UNC13B: variants seen among roughly 807,000 people sequenced by gnomAD.
UNC13B encodes protein unc-13 homolog B.
UNC13B carries 144 observed loss-of-function variants against 211.0 expected under a neutral mutation model. The observed-to-expected ratio is 0.68, with a 90% CI of 0.60 to 0.78. The LOEUF (loss-of-function observed/expected upper bound fraction) is 0.78. Among genes scored for constraint, UNC13B ranks in the 30% least tolerant of loss-of-function variants. The probability of loss-of-function intolerance (pLI) is 0.00; values close to 1 mark genes in which losing one functional copy is unlikely to be tolerated. For synonymous variants in UNC13B, 709 were observed against 725.8 expected, an observed-to-expected ratio of 0.98 and a Z score of 0.37; for missense variants, 1,777 against 2,002.0, an observed-to-expected ratio of 0.89 and a Z score of 2.14.
intron 37 of UNC13B, 55 bp downstream of exon 37, chr9:35,400,498 C>G: frequency 6.4e-7 from 1 of 1,559,572 alleles, no homozygotes; most frequent in Non-Finnish European, 8.7e-7. Context: ...CACATCTTCC[C>G]CTAGGGAGTC....
chr9:35,349,791 C>T (rs1047037734), intron 11 of UNC13B, among the ~76,000 whole-genome samples: 5 of 152,226 alleles, frequency 3.3e-5, no homozygotes, highest in African/African-American at 1.2e-4. Context: ...TCTGGTTCCT[C>T]CTAGTCTGGG....
chr9:35,308,761 A>G (rs1290036091), intron 9 of UNC13B, among the ~76,000 whole-genome samples: 2 of 152,208 alleles, frequency 1.3e-5, no homozygotes, highest in East Asian at 1.9e-4. Flanking sequence ...GGTGGTATAT[A>G]TTAACTACAA....
intron 11 of UNC13B, among the ~76,000 whole-genome samples, chr9:35,350,629 T>A (rs756459076): frequency 1.1e-4 from 17 of 152,218 alleles, no homozygotes; most frequent in Non-Finnish European, 2.2e-4. Context: ...TCTACCTGCC[T>A]CTCTCATGCT....
In UNC13B at chr9:35,359,853, A is replaced by G. The variant is rs1362786657; in HGVS notation, c.9415-7094A>G. Among the ~76,000 whole-genome samples, 3 of 152,278 alleles carry G rather than the reference A, an allele frequency of 2.0e-5. 1 individual carries two copies. Among genetic ancestry groups the G allele is most frequent in the Non-Finnish European group, 1.5e-5 (1 of 68,026 alleles). On this transcript the variant is annotated intron_variant, in intron 11 of 39. Transcript: ENST00000635942. ...TGCTTCTAGAACCTTGTCCCTCTAC[A>G]GTCTGTTCTCCTCACAACAATCAGA...
intron 2 of UNC13B, among the ~76,000 whole-genome samples, chr9:35,229,561 C>CT (rs1825079799): frequency 6.6e-6 from 1 of 152,068 alleles, no homozygotes; most frequent in Non-Finnish European, 1.5e-5. Flanking sequence ...TTTGTTTCAG[C>CT]TTTTGGCCAG....
chr9:35,352,514 A>G (rs1832779150), intron 11 of UNC13B: 1 of 1,232,028 alleles, frequency 8.1e-7, no homozygotes, highest in African/African-American at 1.6e-5. Context: ...TCAGGATTAT[A>G]GTCAGACTTC....
At position 35,304,297 on chromosome 9, in the gene UNC13B, A is replaced by G. The variant is rs1798731751; in HGVS notation, c.4893A>G (p.Ser1631=). Residue 1631 remains serine (S), a synonymous_variant, in exon 9 of 40, where the codon TCA becomes TCG. Coordinates refer to ENST00000635942, the MANE Select transcript of UNC13B (RefSeq NM_001371189.2). Reference sequence around the variant, plus strand: ...TGTATCTAAATTTAGAAACCTTTTCACAAGTACTTAAAGAGTCAAGTTGTG... The same window carrying G: ...TGTATCTAAATTTAGAAACCTTTTCGCAAGTACTTAAAGAGTCAAGTTGTG... The part of the protein sequence containing the change: ...EPLYLNLETF[S]QVLKESSCDQ... The G allele has an allele frequency of 7.5e-6, 3 of 398,632 alleles. No individual in the cohort carries two copies. Among genetic ancestry groups the G allele is most frequent in the African/African-American group, 2.1e-5 (1 of 48,596 alleles). The allele number at this position is 398,632 out of a possible 1,614,324, so 24.7% of individuals were successfully genotyped here. A position where few individuals can be genotyped will look rare whatever the true frequency, so the allele number is the denominator to read the frequency against.
chr9:35,381,488 C>A, intron 19 of UNC13B, 68 bp from the exon 20 acceptor site: 2 of 1,525,026 alleles, frequency 1.3e-6, no homozygotes, highest in Non-Finnish European at 1.8e-6. Flanking sequence ...CTGGGCTTTA[C>A]CACCAAGTTT....
chr9:35,169,962 C>T (rs937912636), intron 1 of UNC13B, among the ~76,000 whole-genome samples: 3 of 152,030 alleles, frequency 2.0e-5, no homozygotes, highest in African/African-American at 7.2e-5. Context: ...TGACACAAAT[C>T]TGTATTGTAG....
At chr9:35,214,318 T>A (rs1223029158) in intron 1 of UNC13B, among the ~76,000 whole-genome samples, 1 of 152,044 alleles carries the variant, frequency 6.6e-6, no homozygotes, top group Non-Finnish European at 1.5e-5. Context: ...TCCCAGCTAC[T>A]GAGTAGGCTG....
At chr9:35,226,730 T>C (rs1312735509) in intron 1 of UNC13B, among the ~76,000 whole-genome samples, 1 of 152,216 alleles carries the variant, frequency 6.6e-6, no homozygotes, top group Non-Finnish European at 1.5e-5. Context: ...CTCTGCCTGC[T>C]TTTATCCTAG....
rs1272424322 is a variant in UNC13B at position 35,380,602 on chromosome 9, G to C, written c.10338G>C (p.Arg3446=). The C allele has an allele frequency of 1.2e-6, 2 of 1,614,204 alleles. No individual in the cohort carries two copies. Among genetic ancestry groups the C allele is most frequent in the Non-Finnish European group, 1.7e-6 (2 of 1,180,032 alleles). The change falls in exon 18 of 40, where the codon CGG becomes CGC. Residue 3446 remains arginine, a synonymous_variant. Transcript: ENST00000635942. ...DFLGQTIIEV[R]TLSGEMDVWY... Reference sequence around the variant, plus strand: ...TTGGCCAAACCATCATTGAGGTTCGGACCCTAAGTGGCGAGATGGACGTCT... The same window carrying C: ...TTGGCCAAACCATCATTGAGGTTCGCACCCTAAGTGGCGAGATGGACGTCT...
Position 35,403,579 on chromosome 9 carries a change from G to A in UNC13B, c.12717G>A (p.Lys4239=). The A allele has an allele frequency of 3.2e-6, 5 of 1,551,066 alleles. No individual in the cohort carries two copies. The highest frequency in any genetic ancestry group is 4.4e-6 in the Non-Finnish European group (5 of 1,144,136). ...CCAAAAGCAACAACTGGGCCCCCAA[G>A]TACAATGAGACATTCCACTTGTAAG... ...TKSKSNNWAP[K]YNETFHFLLG... Residue 4239 remains lysine, a synonymous_variant, in exon 39 of 40, where the codon AAG becomes AAA. Transcript: ENST00000635942.
rs973259786 is a variant in UNC13B, at chr9:35,403,966, A to G, written c.12956A>G (p.Asn4319Ser). ...CTCCGGATTTTATCTCAGAGGAGCAATGACGAGGTGGCCCGAGAATTTGTG... is the reference window on the plus strand; with the variant it reads ...CTCCGGATTTTATCTCAGAGGAGCAGTGACGAGGTGGCCCGAGAATTTGTG... ...TILRILSQRSNDEVAREFVKL... is the reference protein window; with the variant it reads ...TILRILSQRSSDEVAREFVKL... The change falls in exon 40 of 40, where the codon AAT becomes AGT. Residue 4319 changes from asparagine to serine, a missense_variant. Transcript: ENST00000635942. 3.1e-6 allele frequency: 5 copies of G among 1,614,022 alleles called. No homozygotes were observed. Among genetic ancestry groups the G allele is most frequent in the East Asian group, 4.5e-5 (2 of 44,886 alleles).
chr9:35,340,762 C>G (rs1214187406), intron 11 of UNC13B, among the ~76,000 whole-genome samples: 1 of 152,102 alleles, frequency 6.6e-6, no homozygotes. Flanking sequence ...TGATCGAGCT[C>G]TATATTGAGA....
intron 5 of UNC13B, among the ~76,000 whole-genome samples, chr9:35,238,908 C>CT (rs1825660334): frequency 2.5e-3 from 324 of 128,270 alleles, no homozygotes; most frequent in African/African-American, 8.6e-3. Flanking sequence ...TGGGTTTTTT[C>CT]ATTTTTTTTT....
chr9:35,388,143 C>G (rs1458266871), intron 24 of UNC13B, among the ~76,000 whole-genome samples: 1 of 152,102 alleles, frequency 6.6e-6, no homozygotes, highest in Non-Finnish European at 1.5e-5. Context: ...CGCAATGGCT[C>G]AAGCCTGTAA....
intron 2 of UNC13B, among the ~76,000 whole-genome samples, chr9:35,228,287 A>G (rs10972387): frequency 0.15 from 22,062 of 152,098 alleles, 1,901 homozygotes; most frequent in Admixed American, 0.25. Flanking sequence ...ACTTTTTCTC[A>G]GAAAAAAGTC....
Position 35,300,193 on chromosome 9 carries a change from TAGA to T in UNC13B, c.797_799del (p.Arg266del). On this transcript the variant is annotated inframe_deletion, in exon 9 of 40. Transcript: ENST00000635942. Reference sequence around the variant, plus strand: ...ATGCTCAGAAATATGATACACTAGATAGAAGAAGAAAAAAGAAATCCTTATACA... The same window carrying T: ...ATGCTCAGAAATATGATACACTAGATAGAAGAAAAAAGAAATCCTTATACA... 2.5e-6 allele frequency: 1 copy of T among 398,528 alleles called. No individual in the cohort carries two copies. The highest frequency in any genetic ancestry group is 3.6e-5 in the East Asian group (1 of 28,022). 24.7% of individuals were successfully genotyped at this position (398,528 alleles called of 1,614,324 possible).
Sources: gnomAD v4.1 joint callset for allele counts (sites outside exome capture counted in the v4.1 genomes callset) on GRCh38, gnomAD v4.1.1 for gene constraint, MANE v1.5 for transcripts, NCBI Gene and HGNC (gene_info 2026-07-23, HGNC 2026-07-21) for gene names.